CNTN5: variants seen among roughly 807,000 people sequenced by gnomAD.
CNTN5 encodes the protein contactin 5, also known as contactin-5.
CNTN5 carries 77 observed loss-of-function variants against 129.1 expected under a neutral mutation model. That is an observed-to-expected ratio of 0.60 (90% CI 0.50 to 0.72). CNTN5 has a LOEUF of 0.72. CNTN5 is among the 30% of genes least tolerant of loss of function. The pLI, the probability that CNTN5 is intolerant of heterozygous loss-of-function variation, is 0.00. For missense variants in CNTN5, 1,478 were observed against 1,328.8 expected, an observed-to-expected ratio of 1.11 and a Z score of -1.75; for synonymous variants, 509 against 465.6, an observed-to-expected ratio of 1.09 and a Z score of -1.20.
intron 2 of CNTN5, among the ~76,000 whole-genome samples, chr11:99,382,798 A>G (rs1940652837): frequency 6.8e-6 from 1 of 146,946 alleles, no homozygotes; most frequent in Non-Finnish European, 1.5e-5. Context: ...TTCGCACACA[A>G]GTCAGAGGAG....
At chr11:99,721,997 T>C (rs1418948465) in intron 3 of CNTN5, among the ~76,000 whole-genome samples, 4 of 151,944 alleles carry the variant, frequency 2.6e-5, no homozygotes, top group Non-Finnish European at 5.9e-5. Context: ...GCTGGTGGGG[T>C]TGCTGAGAAA....
intron 15 of CNTN5, among the ~76,000 whole-genome samples, chr11:100,221,124 G>A (rs1302025641): frequency 1.3e-5 from 2 of 152,170 alleles, no homozygotes; most frequent in East Asian, 3.9e-4. Flanking sequence ...CCTAGGGAGA[G>A]AGAGTCCAGA....
chr11:99,142,437 A>C (rs1940505), intron 1 of CNTN5, among the ~76,000 whole-genome samples: 138,385 of 152,096 alleles, frequency 0.91, 63,230 homozygotes, highest in East Asian at 0.99. Context: ...GCCTGACCAC[A>C]TAAGCTCTCT....
chr11:100,131,625 A>G (rs1467893064), intron 13 of CNTN5, among the ~76,000 whole-genome samples: 1 of 151,954 alleles, frequency 6.6e-6, no homozygotes, highest in East Asian at 1.9e-4. Flanking sequence ...AACAAAGCCC[A>G]CTGCCTAAAA....
At chr11:99,394,015 G>A (rs1015324492) in intron 2 of CNTN5, among the ~76,000 whole-genome samples, 4 of 151,638 alleles carry the variant, frequency 2.6e-5, no homozygotes, top group East Asian at 1.9e-4. Context: ...CTTTCTTAAC[G>A]AGTCTTTAAT....
At chr11:100,158,629 A>G (rs1591332043) in intron 13 of CNTN5, among the ~76,000 whole-genome samples, 1 of 151,890 alleles carries the variant, frequency 6.6e-6, no homozygotes, top group Non-Finnish European at 1.5e-5. Flanking sequence ...AAATTTTTAA[A>G]AATACATTGT....
Position 99,144,441 on chromosome 11 carries a change from A to G in CNTN5, c.-210+123171A>G, listed in dbSNP as rs146904173. Among the ~76,000 whole-genome samples the G allele has an allele frequency of 2.2e-3, 338 of 152,288 alleles. 3 individuals are homozygous for G. The highest frequency in any genetic ancestry group is 7.7e-3 in the African/African-American group (321 of 41,560). ...TTCAAGAATGCAGCATCTCAGATCC[A>G]TATCACATAAGGAAAATTATTGGAA... On this transcript the variant is annotated intron_variant, in intron 1 of 24. Transcript: ENST00000524871.
At chr11:99,811,458 T>A (rs1246472710) in intron 3 of CNTN5, among the ~76,000 whole-genome samples, 1 of 147,708 alleles carries the variant, frequency 6.8e-6, no homozygotes, top group Non-Finnish European at 1.5e-5. Flanking sequence ...AATATTTTAT[T>A]TATAATATTT....
chr11:99,696,042 T>C (rs1214841145), intron 3 of CNTN5, among the ~76,000 whole-genome samples: 3 of 152,130 alleles, frequency 2.0e-5, no homozygotes, highest in Non-Finnish European at 4.4e-5. Flanking sequence ...TTAATTAGGA[T>C]TTTTCAACAT....
At chr11:99,830,652 C>G (rs1947110553) in intron 4 of CNTN5, among the ~76,000 whole-genome samples, 1 of 152,002 alleles carries the variant, frequency 6.6e-6, no homozygotes, top group East Asian at 1.9e-4. Flanking sequence ...GTCAGTTTCC[C>G]CAATTTAAAA....
chr11:100,322,587 G>A (rs1216439541), intron 21 of CNTN5, among the ~76,000 whole-genome samples: 1 of 152,078 alleles, frequency 6.6e-6, no homozygotes, highest in African/African-American at 2.4e-5. Context: ...TTCTACCATT[G>A]ACATACATTA....
At chr11:100,263,241 T>C (rs1388673385) in intron 17 of CNTN5, among the ~76,000 whole-genome samples, 1 of 152,132 alleles carries the variant, frequency 6.6e-6, no homozygotes, top group Admixed American at 6.6e-5. Context: ...TGTTTTTGTT[T>C]TAAACTCTAA....
intron 13 of CNTN5, among the ~76,000 whole-genome samples, chr11:100,125,371 C>G (rs1420500869): frequency 6.6e-6 from 1 of 151,966 alleles, no homozygotes; most frequent in Non-Finnish European, 1.5e-5. Flanking sequence ...TCTTTATGTC[C>G]ATGTGTACTC....
chr11:100,043,138 AT>A (rs1405982822), intron 9 of CNTN5, among the ~76,000 whole-genome samples: 9 of 152,202 alleles, frequency 5.9e-5, no homozygotes, highest in Admixed American at 5.9e-4. Context: ...GCTCTCAAAT[AT>A]TTTTTAAATC....
chr11:99,255,437 G>A (rs59536438), intron 1 of CNTN5, among the ~76,000 whole-genome samples: 2,612 of 151,272 alleles, frequency 0.017, 86 homozygotes, highest in African/African-American at 0.06. Context: ...TTTTACCAAC[G>A]TAAATTCTGT....
chr11:99,318,840 A>G (rs1260819768), intron 1 of CNTN5, among the ~76,000 whole-genome samples: 1 of 152,208 alleles, frequency 6.6e-6, no homozygotes, highest in Non-Finnish European at 1.5e-5. Flanking sequence ...CATATCATGA[A>G]TGGTTCACTA....
At chr11:99,036,699 G>T (rs572025290) in intron 1 of CNTN5, among the ~76,000 whole-genome samples, 1 of 152,088 alleles carries the variant, frequency 6.6e-6, no homozygotes, top group Non-Finnish European at 1.5e-5. Context: ...GTGTATTACA[G>T]TGTCTGTCTC....
intron 13 of CNTN5, among the ~76,000 whole-genome samples, chr11:100,140,938 C>T (rs1946680776): frequency 6.6e-6 from 1 of 152,256 alleles, no homozygotes; most frequent in South Asian, 2.1e-4. Context: ...GAAAGTCCCC[C>T]ATCCTTCAGC....
intron 9 of CNTN5, among the ~76,000 whole-genome samples, chr11:100,052,172 A>G (rs1280047781): frequency 6.6e-6 from 1 of 151,936 alleles, no homozygotes; most frequent in Non-Finnish European, 1.5e-5. Flanking sequence ...CATATAACAA[A>G]ATCCATTATA....
Sources: allele counts gnomAD v4.1 joint callset (sites outside exome capture counted in the v4.1 genomes callset), GRCh38; gene constraint gnomAD v4.1.1; transcripts MANE v1.5; gene names NCBI Gene and HGNC (gene_info 2026-07-23, HGNC 2026-07-21).